PPARGC1A: variants seen among roughly 807,000 people sequenced by gnomAD.
PPARGC1A encodes PPARG coactivator 1 alpha, also known as peroxisome proliferator-activated receptor gamma coactivator 1-alpha.
In PPARGC1A, 25 loss-of-function variants were observed where a neutral mutation model predicts 88.7. That is an observed-to-expected ratio of 0.28 (90% CI 0.21 to 0.39). The LOEUF (loss-of-function observed/expected upper bound fraction) is 0.39, where lower values mean the gene tolerates loss of function less well. Ranked by LOEUF, PPARGC1A falls within the 10% of genes least tolerant of loss-of-function variation. PPARGC1A has a pLI of 1.00. For missense variants in PPARGC1A, 880 were observed against 968.7 expected, an observed-to-expected ratio of 0.91 and a Z score of 1.22; for synonymous variants, 363 against 355.6, an observed-to-expected ratio of 1.02 and a Z score of -0.24.
chr4:24,044,834 G>A, the PPARGC1A span, among the ~76,000 whole-genome samples: 1 of 152,124 alleles, frequency 6.6e-6, no homozygotes, highest in Admixed American at 6.5e-5. Flanking sequence ...ATTTTAAGTG[G>A]GCAACAGTCC....
At chr4:24,249,964 C>T in the PPARGC1A span, among the ~76,000 whole-genome samples, 7 of 152,168 alleles carry the variant, frequency 4.6e-5, no homozygotes, top group African/African-American at 1.2e-4. Context: ...CATTAACCAA[C>T]GGGCAGAAGT....
the PPARGC1A span, among the ~76,000 whole-genome samples, chr4:24,048,990 C>T: frequency 6.6e-6 from 1 of 151,908 alleles, no homozygotes; most frequent in Non-Finnish European, 1.5e-5. Flanking sequence ...ATAGGGAACT[C>T]TCAATTATCC....
At chr4:24,404,619 G>A in the PPARGC1A span, among the ~76,000 whole-genome samples, 1 of 152,244 alleles carries the variant, frequency 6.6e-6, no homozygotes, top group East Asian at 1.9e-4. Context: ...GGCAACTCAA[G>A]GCCTTCTTGA....
chr4:24,083,441 A>G, the PPARGC1A span, among the ~76,000 whole-genome samples: 1 of 152,144 alleles, frequency 6.6e-6, no homozygotes, highest in African/African-American at 2.4e-5. Context: ...ACCACTCAGC[A>G]TTCTTCAAAC....
At chr4:24,174,819 G>A in the PPARGC1A span, among the ~76,000 whole-genome samples, 4 of 152,332 alleles carry the variant, frequency 2.6e-5, 1 homozygote, top group South Asian at 4.1e-4. Context: ...TCATGGGAAT[G>A]TCCCAGACTA....
intron 1 of PPARGC1A, among the ~76,000 whole-genome samples, chr4:23,897,474 G>A (rs1718731791): frequency 6.6e-6 from 1 of 152,166 alleles, no homozygotes; most frequent in Admixed American, 6.5e-5. Context: ...TGTCAACAAA[G>A]ATGGCCGGAT....
At chr4:24,025,862 G>GA in the PPARGC1A span, among the ~76,000 whole-genome samples, 77 of 150,582 alleles carry the variant, frequency 5.1e-4, no homozygotes, top group East Asian at 1.9e-3. Flanking sequence ...GGAGGAGGAG[G>GA]AAAAAAAAAT....
At chr4:24,334,808 GTTATGTTGGAGA>G in the PPARGC1A span, among the ~76,000 whole-genome samples, 1 of 152,154 alleles carries the variant, frequency 6.6e-6, no homozygotes, top group East Asian at 1.9e-4. Flanking sequence ...GTGATACATA[GTTATGTTGGAGA>G]TTAGTGCGAG....
At chr4:23,847,226 G>C (rs1728479530) in intron 2 of PPARGC1A, among the ~76,000 whole-genome samples, 1 of 152,090 alleles carries the variant, frequency 6.6e-6, no homozygotes, top group Non-Finnish European at 1.5e-5. Context: ...TAATGTGTAG[G>C]CTGAAGGAGA....
chr4:23,938,372 G>C, the PPARGC1A span, among the ~76,000 whole-genome samples: 3 of 152,168 alleles, frequency 2.0e-5, no homozygotes, highest in Admixed American at 2.0e-4. Flanking sequence ...AATTTTCTAG[G>C]TCATTCATTT....
the PPARGC1A span, among the ~76,000 whole-genome samples, chr4:23,963,308 C>A: frequency 6.6e-6 from 1 of 152,152 alleles, no homozygotes; most frequent in Non-Finnish European, 1.5e-5. Context: ...TCATTCTTTA[C>A]CCACTGCAAG....
chr4:24,037,451 G>A, the PPARGC1A span, among the ~76,000 whole-genome samples: 2 of 152,104 alleles, frequency 1.3e-5, no homozygotes, highest in South Asian at 4.1e-4. Flanking sequence ...TATTTAAGTA[G>A]AAATTACCTA....
chr4:24,081,338 T>C, the PPARGC1A span, among the ~76,000 whole-genome samples: 3 of 152,156 alleles, frequency 2.0e-5, no homozygotes, highest in Admixed American at 6.5e-5. Flanking sequence ...AAGGCTCATC[T>C]TGGCAAGAAG....
intron 12 of PPARGC1A, 39 bp from the exon 13 acceptor site, chr4:23,795,964 C>G (rs542926788): frequency 2.4e-5 from 33 of 1,392,752 alleles, no homozygotes; most frequent in Middle Eastern, 3.7e-4. Context: ...ACACACTTTG[C>G]TGATGGCCAT....
the PPARGC1A span, among the ~76,000 whole-genome samples, chr4:24,172,493 G>A: frequency 6.6e-6 from 1 of 152,218 alleles, no homozygotes; most frequent in Non-Finnish European, 1.5e-5. Context: ...AGATCAAAAT[G>A]AGAGCTGCCA....
At chr4:24,079,298 C>T in the PPARGC1A span, among the ~76,000 whole-genome samples, 2 of 152,070 alleles carry the variant, frequency 1.3e-5, no homozygotes, top group Non-Finnish European at 2.9e-5. Context: ...TCATCACCAA[C>T]AGTATCATTT....
At chr4:24,278,840 A>G in the PPARGC1A span, among the ~76,000 whole-genome samples, 3 of 152,154 alleles carry the variant, frequency 2.0e-5, no homozygotes, top group East Asian at 5.8e-4. Context: ...CACAGTAGTC[A>G]AACCACACAG....
chr4:24,184,083 GTAAAAGAACTGC>G, the PPARGC1A span, among the ~76,000 whole-genome samples: 1 of 152,296 alleles, frequency 6.6e-6, no homozygotes, highest in Non-Finnish European at 1.5e-5. Flanking sequence ...GTGTGATGTT[GTAAAAGAACTGC>G]TAAGCTACCT....
At chr4:23,965,938 T>C in the PPARGC1A span, among the ~76,000 whole-genome samples, 9 of 152,194 alleles carry the variant, frequency 5.9e-5, no homozygotes, top group Non-Finnish European at 1.0e-4. Context: ...TTATGGCAAA[T>C]GCAGAGTGTA....
Sources: allele counts gnomAD v4.1 joint callset (sites outside exome capture counted in the v4.1 genomes callset), GRCh38; gene constraint gnomAD v4.1.1; transcripts MANE v1.5; gene names NCBI Gene and HGNC (gene_info 2026-07-23, HGNC 2026-07-21).